Variants in NFIA observed in about 807,000 individuals in gnomAD.
NFIA encodes nuclear factor 1 A-type.
In NFIA, 8 loss-of-function variants were observed where a neutral mutation model predicts 62.8. The observed-to-expected ratio is 0.13, with a 90% CI of 0.07 to 0.23. The LOEUF (loss-of-function observed/expected upper bound fraction) is 0.23. Ranked by LOEUF, NFIA falls within the 10% of genes least tolerant of loss-of-function variation. The probability of loss-of-function intolerance (pLI) is 1.00; values close to 1 mark genes in which losing one functional copy is unlikely to be tolerated. For synonymous variants in NFIA, 235 were observed against 238.1 expected, an observed-to-expected ratio of 0.99 and a Z score of 0.12; for missense variants, 410 against 642.1, an observed-to-expected ratio of 0.64 and a Z score of 3.91.
chr1:61,262,291 C>T (rs1323116389), intron 2 of NFIA, among the ~76,000 whole-genome samples: 2 of 152,124 alleles, frequency 1.3e-5, no homozygotes, highest in African/African-American at 4.8e-5. Flanking sequence ...TACAGCATGA[C>T]TTTGTTCATT....
chr1:61,115,973 C>T lies in NFIA; in HGVS notation c.559+27293C>T, dbSNP rs1374424095. 3.3e-5 allele frequency among the ~76,000 whole-genome samples: 5 copies of T among 151,610 alleles called. No homozygotes were observed. The South Asian group carries it at 1.0e-3, about 32-fold the overall frequency. On this transcript the variant is annotated intron_variant, in intron 2 of 10. Coordinates refer to ENST00000403491, the MANE Select transcript of NFIA (RefSeq NM_001134673.4). The stretch of plus-strand genomic sequence containing the variant: ...TCTTTCACTCTGCAGCTGGATTCTG[C>T]CTTTCCTCCAGTGGTTATCTGAGGA...
intron 2 of NFIA, among the ~76,000 whole-genome samples, chr1:61,211,779 C>A (rs903148672): frequency 2.0e-5 from 3 of 152,168 alleles, no homozygotes; most frequent in Non-Finnish European, 4.4e-5. Context: ...CTCACTGCAA[C>A]CTCTGCCTCA....
At chr1:61,406,812 A>AG in intron 9 of NFIA, 85 bp downstream of exon 9, 1 of 1,374,184 alleles carries the variant, frequency 7.3e-7, no homozygotes. Flanking sequence ...CTCACTGTAT[A>AG]GGCTCTAGAA....
chr1:61,371,417 T>G (rs1042028686), intron 6 of NFIA, among the ~76,000 whole-genome samples: 1 of 152,302 alleles, frequency 6.6e-6, no homozygotes, highest in South Asian at 2.1e-4. Flanking sequence ...CTTGATGTTT[T>G]GATGAGTTTG....
intron 10 of NFIA, among the ~76,000 whole-genome samples, chr1:61,441,947 T>A (rs1034425661): frequency 4.0e-5 from 6 of 149,866 alleles, no homozygotes; most frequent in African/African-American, 1.5e-4. Flanking sequence ...AGGAAGGCGG[T>A]TTGCTTGGCT....
intron 2 of NFIA, among the ~76,000 whole-genome samples, chr1:61,247,207 A>G (rs74090358): frequency 0.01 from 1,557 of 152,354 alleles, 23 homozygotes; most frequent in African/African-American, 0.035. Context: ...TCACAAAAAG[A>G]GTGTCAAGAC....
At chr1:61,310,261 T>C (rs1011016240) in intron 3 of NFIA, among the ~76,000 whole-genome samples, 2 of 152,190 alleles carry the variant, frequency 1.3e-5, no homozygotes, top group Non-Finnish European at 2.9e-5. Context: ...GACACAGCAG[T>C]AGGAAAAGAC....
chr1:61,141,179 A>T (rs1647495261), intron 2 of NFIA, among the ~76,000 whole-genome samples: 2 of 152,094 alleles, frequency 1.3e-5, no homozygotes, highest in African/African-American at 2.4e-5. Context: ...TAGGGGTGGG[A>T]TAGTCTCTGA....
intron 2 of NFIA, among the ~76,000 whole-genome samples, chr1:61,146,453 C>T (rs985242477): frequency 6.6e-6 from 1 of 152,122 alleles, no homozygotes; most frequent in African/African-American, 2.4e-5. Context: ...AAACCCAACC[C>T]AGGAGAAAAC....
upstream of NFIA, among the ~76,000 whole-genome samples, chr1:61,078,866 GATACAAATCCAGTGGAA>G (rs1646063229): frequency 6.6e-6 from 1 of 152,208 alleles, no homozygotes; most frequent in South Asian, 2.1e-4. Flanking sequence ...ACAAGTGCTT[GATACAAATCCAGTGGAA>G]ACCAACTGCA....
At chr1:61,214,410 G>T (rs938267055) in intron 2 of NFIA, among the ~76,000 whole-genome samples, 1 of 152,100 alleles carries the variant, frequency 6.6e-6, no homozygotes, top group Non-Finnish European at 1.5e-5. Context: ...GGGAGTAGAA[G>T]GCAGAGAGTG....
intron 9 of NFIA, among the ~76,000 whole-genome samples, chr1:61,419,449 A>G (rs1398512355): frequency 3.3e-5 from 5 of 152,126 alleles, no homozygotes; most frequent in African/African-American, 1.2e-4. Context: ...AAAACAAAAG[A>G]TTGGCTACAG....
At chr1:61,137,213 G>GGT (rs1225477161) in intron 2 of NFIA, among the ~76,000 whole-genome samples, 2 of 152,160 alleles carry the variant, frequency 1.3e-5, no homozygotes, top group Non-Finnish European at 2.9e-5. Context: ...GGAGAGAGTA[G>GGT]GTTGAAACAT....
intron 10 of NFIA, among the ~76,000 whole-genome samples, chr1:61,452,521 A>T (rs1007717385): frequency 6.6e-6 from 1 of 152,156 alleles, no homozygotes. Flanking sequence ...AGGTTTTTTC[A>T]CGGGTTATTA....
intron 2 of NFIA, among the ~76,000 whole-genome samples, chr1:61,128,325 C>A (rs1455330985): frequency 6.6e-6 from 1 of 151,984 alleles, no homozygotes; most frequent in Non-Finnish European, 1.5e-5. Context: ...AAATGAAGAA[C>A]CTCTTCAAAA....
intron 2 of NFIA, among the ~76,000 whole-genome samples, chr1:61,174,563 A>G (rs1650194346): frequency 6.6e-6 from 1 of 152,226 alleles, no homozygotes; most frequent in Admixed American, 6.5e-5. Context: ...AGAAAGAGGA[A>G]GTAAGTAAAT....
At chr1:61,102,082 C>G (rs1646520924) in intron 2 of NFIA, among the ~76,000 whole-genome samples, 2 of 152,014 alleles carry the variant, frequency 1.3e-5, no homozygotes, top group African/African-American at 4.8e-5. Context: ...ATTATTTGTT[C>G]CATAATTATT....
At chr1:61,170,427 G>T (rs886256736) in intron 2 of NFIA, among the ~76,000 whole-genome samples, 11 of 152,114 alleles carry the variant, frequency 7.2e-5, no homozygotes, top group African/African-American at 2.4e-4. Context: ...GCAAATTATG[G>T]ACAAGACCTA....
chr1:61,439,029 A>ACACC (rs1184920892), intron 10 of NFIA, among the ~76,000 whole-genome samples: 1 of 151,696 alleles, frequency 6.6e-6, no homozygotes, highest in Non-Finnish European at 1.5e-5. Flanking sequence ...ACACACACAC[A>ACACC]CACACACACA....
Sources: allele counts gnomAD v4.1 joint callset (sites outside exome capture counted in the v4.1 genomes callset), GRCh38; gene constraint gnomAD v4.1.1; transcripts MANE v1.5; gene names NCBI Gene and HGNC (gene_info 2026-07-23, HGNC 2026-07-21).